Variants in SARM1 observed in about 807,000 individuals in gnomAD.
The protein encoded by SARM1 is sterile alpha and TIR motif containing 1.
Under a neutral mutation model 65.1 loss-of-function variants are expected in SARM1, and 60 were observed. That is an observed-to-expected ratio of 0.92 (90% CI 0.75 to 1.14). The LOEUF is 1.14. Ranked by LOEUF, SARM1 falls within the 50% of genes most tolerant of loss-of-function variation. The pLI is 0.00. For synonymous variants in SARM1, 417 were observed against 465.4 expected (o/e 0.90, Z 1.34); for missense variants, 913 against 1,015.7 (o/e 0.90, Z 1.37).
Position 28,402,452 on chromosome 17 carries a change from G to T in SARM1, c.*6166G>T. The T allele has an allele frequency of 1.4e-6, 1 of 721,714 alleles. No homozygotes were observed. 44.7% of individuals were successfully genotyped at this position (721,714 alleles called of 1,614,324 possible). ...ACCCAGGAAGAACTTCCTTGATGGT[G>T]AGGGTGGGAAGACAGTAGTCAAGGA... On this transcript the variant is annotated 3_prime_UTR_variant, in exon 9 of 9. Coordinates refer to ENST00000585482, the MANE Select transcript of SARM1 (RefSeq NM_015077.4).
chr17:28,383,559 A>G (rs1294738663), intron 2 of SARM1, among the ~76,000 whole-genome samples: 4 of 151,974 alleles, frequency 2.6e-5, no homozygotes, highest in African/African-American at 9.7e-5. Flanking sequence ...GGGAGTGAGG[A>G]CCCCAAGGAT....
rs1294726872 is a variant in SARM1, at chr17:28,398,989, C to G, written c.*2703C>G. On this transcript the variant is annotated 3_prime_UTR_variant, in exon 9 of 9. Coordinates refer to ENST00000585482, the MANE Select transcript of SARM1 (RefSeq NM_015077.4). Reference sequence around the variant, plus strand: ...TAACGTATGGCAGGCAGACTGGGAGCAGGAAAACAGAGGGCCCCAAAGCCC... The same window carrying G: ...TAACGTATGGCAGGCAGACTGGGAGGAGGAAAACAGAGGGCCCCAAAGCCC... 5 of 152,388 alleles carry G rather than the reference C, an allele frequency of 3.3e-5. No individual in the cohort carries two copies. Among genetic ancestry groups the G allele is most frequent in the African/African-American group, 1.2e-4 (5 of 41,444 alleles). The allele number at this position is 152,388 out of a possible 1,614,324, so 9.4% of individuals were successfully genotyped here.
Position 28,400,610 on chromosome 17 carries a change from C to A in SARM1, c.*4324C>A. 6.2e-7 allele frequency: 1 copy of A among 1,613,556 alleles called. No homozygotes were observed. ...GCATGGGTTCAGGGCCCTGCATTAC[C>A]CAATCAGAACAGCCGGGATGAGCAG... On this transcript the variant is annotated 3_prime_UTR_variant, in exon 9 of 9. Coordinates refer to ENST00000585482, the MANE Select transcript of SARM1 (RefSeq NM_015077.4).
At chr17:28,389,753 T>G (rs906151624) in intron 7 of SARM1, among the ~76,000 whole-genome samples, 3 of 152,162 alleles carry the variant, frequency 2.0e-5, no homozygotes, top group African/African-American at 7.2e-5. Context: ...CCAGGCATGG[T>G]GGCGCACACC....
rs1555584073 is a variant in SARM1, at chr17:28,372,021, G to A, written c.-12G>A. ...CCTCCAGGCCGGGGATGTCCCCCGCGGCCCCGCGCCCATGGTCCTGACGCT... is the reference window on the plus strand; with the variant it reads ...CCTCCAGGCCGGGGATGTCCCCCGCAGCCCCGCGCCCATGGTCCTGACGCT... On this transcript the variant is annotated 5_prime_UTR_variant, in exon 1 of 9. Coordinates refer to ENST00000585482, the MANE Select transcript of SARM1 (RefSeq NM_015077.4). This position sits in a 1 kb window ranked among gnomAD's most constrained non-coding sequence, Gnocchi z 5.2. 4.1e-6 allele frequency: 6 copies of A among 1,478,302 alleles called. No individual in the cohort carries two copies. The highest frequency in any genetic ancestry group is 2.8e-5 in the East Asian group (1 of 35,152). 91.6% of individuals were successfully genotyped at this position (1,478,302 alleles called of 1,614,324 possible). A position where few individuals can be genotyped will look rare whatever the true frequency, so the allele number is the denominator to read the frequency against.
At chr17:28,382,051 T>C (rs1019397505) in intron 2 of SARM1, among the ~76,000 whole-genome samples, 8 of 151,894 alleles carry the variant, frequency 5.3e-5, no homozygotes, top group African/African-American at 1.9e-4. Flanking sequence ...GGGACACTTG[T>C]GTTTTACAAA....
At chr17:28,392,301 A>G (rs1293725891) in intron 7 of SARM1, among the ~76,000 whole-genome samples, 1 of 151,796 alleles carries the variant, frequency 6.6e-6, no homozygotes, top group East Asian at 1.9e-4. Context: ...TATTTTTAGT[A>G]GAGACGGGGT....
At chr17:28,374,462 G>A (rs1249013959) in intron 1 of SARM1, among the ~76,000 whole-genome samples, 1 of 151,652 alleles carries the variant, frequency 6.6e-6, no homozygotes, top group Non-Finnish European at 1.5e-5. Flanking sequence ...GCTGGAACTC[G>A]GCAGGCAGAG....
chr17:28,400,880 T>C lies in SARM1; in HGVS notation c.*4594T>C. 2.2e-6 allele frequency: 2 copies of C among 890,078 alleles called. No homozygotes were observed. The highest frequency in any genetic ancestry group is 2.6e-5 in the East Asian group (1 of 37,918). The allele number at this position is 890,078 out of a possible 1,614,324, so 55.1% of individuals were successfully genotyped here. Reference sequence around the variant, plus strand: ...TAGTCACTTAACCTATGTCTCCCCTTCCTCACCAGTAAATCCTGCTACATC... The same window carrying C: ...TAGTCACTTAACCTATGTCTCCCCTCCCTCACCAGTAAATCCTGCTACATC... On this transcript the variant is annotated 3_prime_UTR_variant, in exon 9 of 9. Transcript: ENST00000585482.
intron 5 of SARM1, among the ~76,000 whole-genome samples, chr17:28,387,547 T>C (rs1051357769): frequency 1.3e-5 from 2 of 152,266 alleles, no homozygotes; most frequent in East Asian, 3.9e-4. Context: ...CTAGCTGGGT[T>C]TGGGGAGGCC....
In SARM1 at chr17:28,401,448, A is replaced by G. The variant is rs2068196558; in HGVS notation, c.*5162A>G. 1 of 154,554 alleles carries G rather than the reference A, an allele frequency of 6.5e-6. No homozygotes were observed. The highest frequency in any genetic ancestry group is 2.0e-4 in the South Asian group (1 of 4,948). 9.6% of individuals were successfully genotyped at this position (154,554 alleles called of 1,614,324 possible). On this transcript the variant is annotated 3_prime_UTR_variant, in exon 9 of 9. Transcript: ENST00000585482. ...CACCAGAACCCACAGTGGGCTCTGT[A>G]TGGCACCAGAGTCTCTGTCATCATC...
chr17:28,377,213 A>G (rs2067996945), intron 1 of SARM1, among the ~76,000 whole-genome samples: 1 of 152,236 alleles, frequency 6.6e-6, no homozygotes, highest in Non-Finnish European at 1.5e-5. Flanking sequence ...ATCTGGGTTC[A>G]AATCTCAGCT....
chr17:28,379,299 CTTTTTTTT>C (rs1193480505), intron 1 of SARM1, among the ~76,000 whole-genome samples: 9 of 78,368 alleles, frequency 1.1e-4, no homozygotes, highest in Non-Finnish European at 1.9e-4. Context: ...CCATTTAGAT[CTTTTTTTT>C]TTTTTTTTTT....
chr17:28,385,309 C>A lies in SARM1; in HGVS notation c.1630+34C>A, dbSNP rs1380975661. On this transcript the variant is annotated intron_variant, in intron 5 of 8. Coordinates refer to ENST00000585482, the MANE Select transcript of SARM1 (RefSeq NM_015077.4). The surrounding 1 kb of genome is among the most constrained non-coding windows in gnomAD (Gnocchi z 4.5). ...GCTCACCCGGGACCCCGCCCCAGCCCCAGCCCCAGCCACGGCCCTGGAATG... is the reference window on the plus strand; with the variant it reads ...GCTCACCCGGGACCCCGCCCCAGCCACAGCCCCAGCCACGGCCCTGGAATG... 4.1e-6 allele frequency: 6 copies of A among 1,450,800 alleles called. No homozygotes were observed. The highest frequency in any genetic ancestry group is 5.5e-6 in the Non-Finnish European group (6 of 1,089,170). The allele number at this position is 1,450,800 out of a possible 1,614,324, so 89.9% of individuals were successfully genotyped here.
intron 5 of SARM1, 196 bp from the exon 6 acceptor site, chr17:28,387,978 C>A: frequency 3.3e-6 from 2 of 603,988 alleles, no homozygotes; most frequent in Admixed American, 5.6e-5. Context: ...ACAGTGCCTG[C>A]CTCCTAAGAG....
Position 28,385,043 on chromosome 17 carries a change from C to A in SARM1, c.1398C>A (p.Phe466Leu), listed in dbSNP as rs1281018438. ...GMKSGITRKR[F>L]FRELTELKTF... ...TCTTCTCCTCCGTGGGGTGCAGGTT[C>A]TTTAGGGAGCTCACGGAGCTCAAGA... The change falls in exon 5 of 9, where the codon TTC becomes TTA. Residue 466 changes from phenylalanine to leucine, a missense_variant. Phe to Leu is a conservative substitution (Grantham distance 22). Around this residue, in one of 3 missense-constraint regions of SARM1, gnomAD observed 862 missense variants for 952.1 expected, o/e 0.91. Coordinates refer to ENST00000585482, the MANE Select transcript of SARM1 (RefSeq NM_015077.4). This position sits in a 1 kb window ranked among gnomAD's most constrained non-coding sequence, Gnocchi z 4.5. 7 of 1,613,390 alleles carry A rather than the reference C, an allele frequency of 4.3e-6. No homozygotes were observed. The highest frequency in any genetic ancestry group is 5.9e-6 in the Non-Finnish European group (7 of 1,179,502).
intron 1 of SARM1, chr17:28,373,072 G>T: frequency 6.5e-6 from 1 of 152,714 alleles, no homozygotes; most frequent in Non-Finnish European, 1.5e-5. Context: ...CTTGCAACAG[G>T]CCAGACATGA....
In SARM1 at chr17:28,388,292, C is replaced by T. The variant is rs995289515; in HGVS notation, c.1733+16C>T. 18 of 1,565,466 alleles carry T rather than the reference C, an allele frequency of 1.1e-5. No homozygotes were observed. The highest frequency in any genetic ancestry group is 1.9e-5 in the Admixed American group (1 of 52,496). ...AGCTGGCCAGGTGAGGAGGGGCGGG[C>T]GGGCAGCGACGGGGCGTGGGGACAA... On this transcript the variant is annotated intron_variant, in intron 6 of 8. Transcript: ENST00000585482.
rs1555584186 is a variant in SARM1 at position 28,372,363 on chromosome 17, G to A, written c.331G>A (p.Glu111Lys). 2 of 1,505,936 alleles carry A rather than the reference G, an allele frequency of 1.3e-6. No individual in the cohort carries two copies. Among genetic ancestry groups the A allele is most frequent in the Non-Finnish European group, 1.8e-6 (2 of 1,133,466 alleles). 93.3% of individuals were successfully genotyped at this position (1,505,936 alleles called of 1,614,324 possible). A position where few individuals can be genotyped will look rare whatever the true frequency, so the allele number is the denominator to read the frequency against. Residue 111 changes from glutamate (E) to lysine (K), a missense_variant, in exon 1 of 9, where the codon GAG becomes AAG. Transcript: ENST00000585482. This position sits in a 1 kb window ranked among gnomAD's most constrained non-coding sequence, Gnocchi z 5.2. ...EAWLLPAVGR[E>K]VAQGLCDAIR... Reference sequence around the variant, plus strand: ...CTGGCTGCTGCCGGCCGTGGGCCGCGAGGTAGCCCAGGGTCTGTGCGACGC... The same window carrying A: ...CTGGCTGCTGCCGGCCGTGGGCCGCAAGGTAGCCCAGGGTCTGTGCGACGC...
Sources: gnomAD v4.1 joint callset for allele counts (sites outside exome capture counted in the v4.1 genomes callset) on GRCh38, gnomAD v4.1.1 for gene constraint, gnomAD v4.1.1 regional missense constraint, Gnocchi (gnomAD v3.1) non-coding constraint, MANE v1.5 for transcripts, NCBI Gene and HGNC (gene_info 2026-07-23, HGNC 2026-07-21) for gene names.